Variants in KIF26B observed in about 807,000 individuals in gnomAD.
KIF26B encodes kinesin family member 26B.
A neutral mutation model predicts 151.2 loss-of-function variants in KIF26B; 63 were observed. That is an observed-to-expected ratio of 0.42 (90% CI 0.34 to 0.51). The LOEUF (loss-of-function observed/expected upper bound fraction) is 0.51. Ranked by LOEUF, KIF26B falls within the 20% of genes least tolerant of loss-of-function variation. The pLI is 0.07. For missense variants in KIF26B, 2,813 were observed against 2,913.6 expected, an observed-to-expected ratio of 0.97 and a Z score of 0.79; for synonymous variants, 1,357 against 1,262.1, an observed-to-expected ratio of 1.08 and a Z score of -1.59.
chr1:245,395,466 A>G (rs1198618410), intron 3 of KIF26B, among the ~76,000 whole-genome samples: 2 of 152,242 alleles, frequency 1.3e-5, no homozygotes, highest in Non-Finnish European at 2.9e-5. Flanking sequence ...GCTGCAGAGC[A>G]AACCAGGTGC....
intron 4 of KIF26B, among the ~76,000 whole-genome samples, chr1:245,424,402 C>A (rs1393073083): frequency 6.6e-6 from 1 of 152,128 alleles, no homozygotes; most frequent in Non-Finnish European, 1.5e-5. Flanking sequence ...CCTGCCTTGG[C>A]CCCCCAAAGT....
intron 2 of KIF26B, among the ~76,000 whole-genome samples, chr1:245,366,303 C>T (rs57434580): frequency 0.043 from 6,467 of 152,110 alleles, 381 homozygotes; most frequent in East Asian, 0.25. Context: ...GAGGCCGAGG[C>T]GGGTGGATCA....
chr1:245,446,441 A>G (rs1021738414), intron 4 of KIF26B, among the ~76,000 whole-genome samples: 3 of 152,310 alleles, frequency 2.0e-5, no homozygotes, highest in African/African-American at 7.2e-5. Flanking sequence ...TAAGCCAAGT[A>G]TAAGAAGCTG....
intron 4 of KIF26B, among the ~76,000 whole-genome samples, chr1:245,444,733 C>A (rs1659208831): frequency 6.6e-6 from 1 of 152,122 alleles, no homozygotes; most frequent in South Asian, 2.1e-4. Flanking sequence ...GTTTTTCCTA[C>A]ATAAACTTCC....
At chr1:245,475,469 G>A (rs1344020509) in intron 4 of KIF26B, among the ~76,000 whole-genome samples, 1 of 151,696 alleles carries the variant, frequency 6.6e-6, no homozygotes, top group African/African-American at 2.4e-5. Flanking sequence ...TCATTGGATA[G>A]GCGGGAAAAA....
intron 2 of KIF26B, among the ~76,000 whole-genome samples, chr1:245,179,427 C>A (rs1041475263): frequency 3.7e-4 from 57 of 152,068 alleles, no homozygotes; most frequent in African/African-American, 1.3e-3. Context: ...AGTTTGAGAC[C>A]ATCCTGGCCA....
At position 245,684,987 on chromosome 1, in the gene KIF26B, C is replaced by G. The variant is rs368148858; in HGVS notation, c.2422-418C>G. ...AAGTAGTTGAGAAAACCATCATGAT[C>G]GTGGCCACTCAGTGGCAGGGGCAGC... On this transcript the variant is annotated intron_variant, in intron 11 of 14. Coordinates refer to ENST00000407071, the MANE Select transcript of KIF26B (RefSeq NM_018012.4). 3.3e-5 allele frequency among the ~76,000 whole-genome samples: 5 copies of G among 152,366 alleles called. No individual in the cohort carries two copies. In the South Asian group the frequency reaches 1.0e-3, roughly 32 times the overall value.
intron 2 of KIF26B, among the ~76,000 whole-genome samples, chr1:245,303,464 C>T (rs1304819957): frequency 6.6e-6 from 1 of 152,110 alleles, no homozygotes; most frequent in Non-Finnish European, 1.5e-5. Context: ...TCCCAAAGTG[C>T]TGGGATTACA....
intron 12 of KIF26B, among the ~76,000 whole-genome samples, chr1:245,689,029 G>A (rs1056559348): frequency 1.3e-5 from 2 of 152,112 alleles, no homozygotes; most frequent in Admixed American, 1.3e-4. Flanking sequence ...GGCACCCCGC[G>A]GGGCTCCGCC....
At chr1:245,648,058 A>C (rs1203585349) in intron 10 of KIF26B, among the ~76,000 whole-genome samples, 3 of 152,256 alleles carry the variant, frequency 2.0e-5, no homozygotes, top group Non-Finnish European at 4.4e-5. Flanking sequence ...AGGGAAGAGT[A>C]CTAGCACTCA....
chr1:245,623,099 CTG>C (rs149295144), intron 9 of KIF26B, among the ~76,000 whole-genome samples: 2,462 of 135,572 alleles, frequency 0.018, 47 homozygotes, highest in Admixed American at 0.074. Context: ...CTACAATAAA[CTG>C]TACATATTAA....
chr1:245,450,576 T>C (rs930892606), intron 4 of KIF26B, among the ~76,000 whole-genome samples: 4 of 152,220 alleles, frequency 2.6e-5, no homozygotes, highest in African/African-American at 9.6e-5. Flanking sequence ...CTACCATTCA[T>C]TGTTGGTGCC....
At chr1:245,282,745 G>C (rs976697260) in intron 2 of KIF26B, 2 of 163,980 alleles carry the variant, frequency 1.2e-5, no homozygotes, top group African/African-American at 4.8e-5. Context: ...CGCTCCCTCT[G>C]TCTCTATACA....
intron 2 of KIF26B, among the ~76,000 whole-genome samples, chr1:245,343,085 C>CA (rs11377283): frequency 0.87 from 115,303 of 131,998 alleles, 50,418 homozygotes; most frequent in East Asian, 0.98. Context: ...GACTCCATCT[C>CA]AAAAAAAAAA....
intron 4 of KIF26B, among the ~76,000 whole-genome samples, chr1:245,456,213 C>T (rs1239808011): frequency 1.3e-5 from 2 of 152,160 alleles, no homozygotes; most frequent in East Asian, 1.9e-4. Flanking sequence ...AATAAATATC[C>T]GTGAAGACTC....
intron 7 of KIF26B, 41 bp downstream of exon 7, chr1:245,607,785 C>T: frequency 1.4e-6 from 2 of 1,474,128 alleles, no homozygotes; most frequent in Non-Finnish European, 1.9e-6. Flanking sequence ...TCGTTGAGCT[C>T]CCTGTCATCC....
chr1:245,682,794 C>T (rs957906358), intron 10 of KIF26B, among the ~76,000 whole-genome samples: 1 of 152,262 alleles, frequency 6.6e-6, no homozygotes, highest in Non-Finnish European at 1.5e-5. Context: ...CCAGGTGCAA[C>T]GTCTCTGCTA....
intron 4 of KIF26B, among the ~76,000 whole-genome samples, chr1:245,420,367 G>T (rs1163740274): frequency 1.3e-5 from 2 of 152,242 alleles, no homozygotes; most frequent in African/African-American, 4.8e-5. Context: ...ACGAAGGACA[G>T]CTGAGCAGGA....
intron 2 of KIF26B, among the ~76,000 whole-genome samples, chr1:245,359,484 G>A (rs1374148907): frequency 6.6e-6 from 1 of 152,178 alleles, no homozygotes; most frequent in Admixed American, 6.5e-5. Context: ...TAGGCTGTTA[G>A]AGTGAGAAGC....
Sources: allele counts gnomAD v4.1 joint callset (sites outside exome capture counted in the v4.1 genomes callset), GRCh38; gene constraint gnomAD v4.1.1; transcripts MANE v1.5; gene names NCBI Gene and HGNC (gene_info 2026-07-23, HGNC 2026-07-21).